The following ZFYVE1 variants were observed in gnomAD, a reference collection of about 807,000 sequenced individuals.
ZFYVE1 encodes zinc finger FYVE-type containing 1.
ZFYVE1 carries 30 observed loss-of-function variants against 74.4 expected under a neutral mutation model. That is an observed-to-expected ratio of 0.40 (90% CI 0.30 to 0.55). ZFYVE1 has a LOEUF of 0.55. ZFYVE1 is among the 20% of genes least tolerant of loss of function. ZFYVE1 has a pLI of 0.42. For synonymous variants in ZFYVE1, 335 were observed against 385.1 expected (o/e 0.87, Z 1.52); for missense variants, 703 against 1,011.6 (o/e 0.69, Z 4.14).
intron 2 of ZFYVE1, among the ~76,000 whole-genome samples, chr14:73,010,292 C>T (rs1894061416): frequency 1.3e-5 from 2 of 152,012 alleles, no homozygotes; most frequent in Admixed American, 1.3e-4. Flanking sequence ...ATGGTGAAAC[C>T]CTGTCTCTAC....
intron 5 of ZFYVE1, among the ~76,000 whole-genome samples, chr14:72,980,629 G>A (rs994904823): frequency 2.6e-5 from 4 of 151,712 alleles, no homozygotes; most frequent in Admixed American, 6.6e-5. Context: ...GTGCAGTGGC[G>A]CAATCTCAGC....
chr14:73,024,936 G>A lies in ZFYVE1; in HGVS notation c.-428C>T. The A allele has an allele frequency of 6.4e-6, 1 of 156,588 alleles. No individual in the cohort carries two copies. The highest frequency in any genetic ancestry group is 1.4e-5 in the Non-Finnish European group (1 of 71,404). 9.7% of individuals were successfully genotyped at this position (156,588 alleles called of 1,614,324 possible). On this transcript the variant is annotated 5_prime_UTR_variant, in exon 2 of 12. Transcript: ENST00000556143. ...ATTCGACCTGAAGTCAGTATTTCAG[G>A]GGATACCTAGAATAGAGGAAGGAAA...
At chr14:73,015,776 G>A (rs1894190395) in intron 2 of ZFYVE1, among the ~76,000 whole-genome samples, 1 of 152,170 alleles carries the variant, frequency 6.6e-6, no homozygotes, top group East Asian at 1.9e-4. Context: ...CTGTAAACAA[G>A]TGAGGCCGCC....
chr14:72,981,641 G>C (rs1893332508), intron 5 of ZFYVE1, 148 bp downstream of exon 5: 2 of 712,960 alleles, frequency 2.8e-6, no homozygotes, highest in South Asian at 3.5e-5. Context: ...GGGAACATGG[G>C]AGTGTACCAT....
intron 4 of ZFYVE1, among the ~76,000 whole-genome samples, chr14:72,991,183 A>ATTTTTTTTT (rs57153409): frequency 1.2e-5 from 1 of 83,566 alleles, no homozygotes; most frequent in Non-Finnish European, 2.3e-5. Context: ...CCCTGATGGT[A>ATTTTTTTTT]TTTTTTTTTT....
rs760264307 is a variant in ZFYVE1 at position 72,974,857 on chromosome 14, G to A, written c.1909C>T (p.Pro637Ser). 6.2e-7 allele frequency: 1 copy of A among 1,614,096 alleles called. No homozygotes were observed. Among genetic ancestry groups the A allele is most frequent in the Non-Finnish European group, 8.5e-7 (1 of 1,179,984 alleles). The change falls in exon 10 of 12, where the codon CCA (proline) becomes TCA (serine). Residue 637 changes from proline (P) to serine (S), a missense_variant. Physicochemically the swap from Pro to Ser is moderately conservative, Grantham distance 74. Around this residue, in one of 2 missense-constraint regions of ZFYVE1, gnomAD observed 492 missense variants for 790.0 expected, o/e 0.62. Transcript: ENST00000556143. ...GGGCCCCAGCCCCGCTCAGGCACTGGCCGAGTCTTTGATGAACAGCTGTCA... is the reference window on the plus strand; with the variant it reads ...GGGCCCCAGCCCCGCTCAGGCACTGACCGAGTCTTTGATGAACAGCTGTCA... The part of the protein sequence containing the change: ...FCDSCSSKTR[P>S]VPERGWGPAP...
At chr14:72,994,195 C>T (rs150122981) in intron 3 of ZFYVE1, among the ~76,000 whole-genome samples, 36 of 144,808 alleles carry the variant, frequency 2.5e-4, no homozygotes, top group Non-Finnish European at 4.4e-4. Flanking sequence ...TAGTGGTGCA[C>T]GCCTGTAATC....
At chr14:72,985,925 T>G (rs1295793150) in intron 4 of ZFYVE1, among the ~76,000 whole-genome samples, 1 of 152,170 alleles carries the variant, frequency 6.6e-6, no homozygotes, top group East Asian at 1.9e-4. Context: ...GAATAGCAAT[T>G]TTTAGCCGCA....
At position 72,974,962 on chromosome 14, in the gene ZFYVE1, G is replaced by T. The variant is rs373777782; in HGVS notation, c.1807-3C>A. 10 of 1,599,244 alleles carry T rather than the reference G, an allele frequency of 6.3e-6. No individual in the cohort carries two copies. The highest frequency in any genetic ancestry group is 8.6e-6 in the Non-Finnish European group (10 of 1,167,798). Reference sequence around the variant, plus strand: ...GACGTCGCACACTTGTTGCAGCTCTGTTCCAAGCCCAAAACAAAACAGAGA... The same window carrying T: ...GACGTCGCACACTTGTTGCAGCTCTTTTCCAAGCCCAAAACAAAACAGAGA... On this transcript the variant is annotated splice_region_variant and splice_polypyrimidine_tract_variant and intron_variant, in intron 9 of 11. Coordinates refer to ENST00000556143, the MANE Select transcript of ZFYVE1 (RefSeq NM_021260.4).
intron 2 of ZFYVE1, among the ~76,000 whole-genome samples, chr14:73,005,263 G>A (rs1489618763): frequency 6.6e-6 from 1 of 152,084 alleles, no homozygotes; most frequent in African/African-American, 2.4e-5. Context: ...AAAATAAGAA[G>A]ATTCCCTTTG....
Position 73,024,377 on chromosome 14 carries a change from G to T in ZFYVE1, c.132C>A (p.Arg44=), listed in dbSNP as rs768477786. The T allele has an allele frequency of 1.9e-5, 30 of 1,614,052 alleles. No homozygotes were observed. The Admixed American group carries it at 5.0e-4, about 27-fold the overall frequency. ...CCTGCCGATGGAGCTCCTCCTCGCA[G>T]CGGAGACACTGCAGACTGCAGCACT... is the stretch of plus-strand genomic sequence containing the variant. The part of the protein sequence containing the change: ...CDECCSLQCL[R]CEEELHRQER... The change falls in exon 2 of 12, where the codon CGC becomes CGA. Residue 44 remains arginine, a synonymous_variant. Transcript: ENST00000556143.
intron 5 of ZFYVE1, among the ~76,000 whole-genome samples, chr14:72,981,546 A>T (rs1893330966): frequency 6.6e-6 from 1 of 152,160 alleles, no homozygotes; most frequent in Non-Finnish European, 1.5e-5. Context: ...TACCAGCTGG[A>T]ATTTCCAGGA....
chr14:72,996,277 T>C (rs1484786624), intron 3 of ZFYVE1, among the ~76,000 whole-genome samples: 1 of 152,196 alleles, frequency 6.6e-6, no homozygotes, highest in Non-Finnish European at 1.5e-5. Flanking sequence ...GTATACATGA[T>C]CTGAAGTGTA....
At chr14:73,001,812 G>C (rs960384978) in intron 2 of ZFYVE1, among the ~76,000 whole-genome samples, 1 of 151,188 alleles carries the variant, frequency 6.6e-6, no homozygotes, top group Non-Finnish European at 1.5e-5. Flanking sequence ...GCCAGGCGTG[G>C]TGGCACATGC....
At chr14:72,985,600 G>A (rs1893455184) in intron 4 of ZFYVE1, among the ~76,000 whole-genome samples, 1 of 151,902 alleles carries the variant, frequency 6.6e-6, no homozygotes, top group East Asian at 1.9e-4. Flanking sequence ...CCAAGGTGCT[G>A]GGGTTACAGG....
intron 5 of ZFYVE1, among the ~76,000 whole-genome samples, chr14:72,981,555 G>C (rs1306020965): frequency 6.6e-6 from 1 of 152,162 alleles, no homozygotes; most frequent in Non-Finnish European, 1.5e-5. Context: ...GAATTTCCAG[G>C]AGATTCTTCA....
chr14:72,971,529 T>A (rs1893035450), intron 11 of ZFYVE1, among the ~76,000 whole-genome samples: 1 of 152,110 alleles, frequency 6.6e-6, no homozygotes, highest in Admixed American at 6.5e-5. Context: ...GGTTTCACCA[T>A]GTTGTCCGGG....
At chr14:72,994,378 A>C (rs1464893284) in intron 3 of ZFYVE1, among the ~76,000 whole-genome samples, 1 of 151,054 alleles carries the variant, frequency 6.6e-6, no homozygotes, top group Non-Finnish European at 1.5e-5. Context: ...ATGTACATGA[A>C]GTACATAAGC....
In ZFYVE1 at chr14:73,024,210, C is replaced by T; in HGVS notation, c.299G>A (p.Cys100Tyr). ...VRCQTCKINL[C>Y]LECQKRTHSG... ...ATGAGTCCTCTTCTGGCACTCCAGG[C>T]ACAAGTTAATTTTGCAGGTCTGGCA... Residue 100 changes from cysteine (C) to tyrosine (Y), a missense_variant, in exon 2 of 12, where the codon TGC becomes TAC. Cys to Tyr is a radical substitution (Grantham distance 194). Transcript: ENST00000556143. 2 of 1,614,156 alleles carry T rather than the reference C, an allele frequency of 1.2e-6. No homozygotes were observed. The highest frequency in any genetic ancestry group is 1.7e-6 in the Non-Finnish European group (2 of 1,180,040).
Sources: allele counts gnomAD v4.1 joint callset (sites outside exome capture counted in the v4.1 genomes callset), GRCh38; gene constraint gnomAD v4.1.1; regional missense constraint gnomAD v4.1.1; transcripts MANE v1.5; gene names NCBI Gene and HGNC (gene_info 2026-07-23, HGNC 2026-07-21).